The following DNAH11 variants were observed in gnomAD, a reference collection of about 807,000 sequenced individuals.
The protein encoded by DNAH11 is dynein axonemal heavy chain 11.
DNAH11 carries 442 observed loss-of-function variants against 526.0 expected under a neutral mutation model. The observed-to-expected ratio is 0.84, with a 90% CI of 0.78 to 0.91. DNAH11 has a LOEUF of 0.91. Among genes scored for constraint, DNAH11 ranks in the 40% least tolerant of loss-of-function variants. The pLI is 0.00. For synonymous variants in DNAH11, 2,461 were observed against 1,935.9 expected, an observed-to-expected ratio of 1.27 and a Z score of -7.12; for missense variants, 6,989 against 5,448.7, an observed-to-expected ratio of 1.28 and a Z score of -8.90.
At chr7:21,768,007 A>G (rs1056999702) in intron 55 of DNAH11, among the ~76,000 whole-genome samples, 4 of 152,094 alleles carry the variant, frequency 2.6e-5, no homozygotes, top group Non-Finnish European at 5.9e-5. Flanking sequence ...ATCAGTACAC[A>G]CTCAGCACCC....
chr7:21,631,710 C>T (rs547357068), intron 25 of DNAH11, among the ~76,000 whole-genome samples: 4 of 152,308 alleles, frequency 2.6e-5, no homozygotes, highest in East Asian at 1.9e-4. Context: ...TGGGCAGCTC[C>T]GCCTCTGTGG....
chr7:21,543,417 C>T lies in DNAH11; in HGVS notation c.172C>T (p.Arg58Trp), dbSNP rs1225537822. 2.6e-6 allele frequency: 4 copies of T among 1,554,952 alleles called. No individual in the cohort carries two copies. The highest frequency in any genetic ancestry group is 3.5e-6 in the Non-Finnish European group (4 of 1,148,594). The change falls in exon 1 of 82, where the codon CGG becomes TGG. Residue 58 changes from arginine (R) to tryptophan (W), a missense_variant. Physicochemically the swap from Arg to Trp is moderately radical, Grantham distance 101. Coordinates refer to ENST00000409508, the MANE Select transcript of DNAH11 (RefSeq NM_001277115.2). ...AGCGCGGAGTTTCGCCCAAGACGCGCGGGTGCGCTTCCTCGGCGGCCGCCT... is the reference window on the plus strand; with the variant it reads ...AGCGCGGAGTTTCGCCCAAGACGCGTGGGTGCGCTTCCTCGGCGGCCGCCT... ...RRARSFAQDA[R>W]VRFLGGRLAM...
intron 79 of DNAH11, among the ~76,000 whole-genome samples, chr7:21,897,718 C>T (rs945549947): frequency 6.6e-6 from 1 of 152,128 alleles, no homozygotes; most frequent in East Asian, 1.9e-4. Context: ...TGGGTTCAAC[C>T]GATTCTCCTG....
chr7:21,632,405 A>C (rs574800300), intron 25 of DNAH11, among the ~76,000 whole-genome samples: 1 of 152,146 alleles, frequency 6.6e-6, no homozygotes, highest in Admixed American at 6.5e-5. Context: ...TTTCTTTCCT[A>C]TCACATTGTC....
chr7:21,744,488 A>T lies in DNAH11; in HGVS notation c.8205A>T (p.Ile2735=), dbSNP rs1388427743. The T allele has an allele frequency of 6.2e-7, 1 of 1,613,940 alleles. No individual in the cohort carries two copies. The highest frequency in any genetic ancestry group is 8.5e-7 in the Non-Finnish European group (1 of 1,179,848). Residue 2735 remains isoleucine, a synonymous_variant, in exon 50 of 82, where the codon ATA becomes ATT. Transcript: ENST00000409508. ...GTTTAAAAGGTCCACTTGATTTAAT[A>T]CATCTGTGGCTTCATGAATCTGCCC... ...PECLKGPLDL[I]HLWLHESARV...
rs10950855 is a variant in DNAH11 at position 21,563,916 on chromosome 7, T to C, written c.983-270T>C. Among the ~76,000 whole-genome samples, 18,942 of 152,098 alleles carry C rather than the reference T, an allele frequency of 0.12. 1,996 individuals carry two copies. The highest frequency in any genetic ancestry group is 0.33 in the East Asian group (1,671 of 5,140). On this transcript the variant is annotated intron_variant, in intron 5 of 81. Transcript: ENST00000409508. ...TAAATTTCTTTAGACTCCAGGGGTA[T>C]TTTCCCCTTGGGTTTTCCATCACAA... is the stretch of plus-strand genomic sequence containing the variant.
intron 35 of DNAH11, among the ~76,000 whole-genome samples, chr7:21,692,834 T>C (rs938341546): frequency 3.9e-5 from 6 of 152,220 alleles, no homozygotes; most frequent in Admixed American, 3.9e-4. Flanking sequence ...CAAAAATTGA[T>C]ACTGTCAGCC....
chr7:21,775,461 T>C (rs1485354539), intron 56 of DNAH11, among the ~76,000 whole-genome samples: 1 of 151,880 alleles, frequency 6.6e-6, no homozygotes, highest in Non-Finnish European at 1.5e-5. Flanking sequence ...TACAAAAGAA[T>C]TTTTTAATGA....
At chr7:21,739,851 G>T (rs1785796507) in intron 48 of DNAH11, among the ~76,000 whole-genome samples, 178 bp downstream of exon 48, 1 of 152,106 alleles carries the variant, frequency 6.6e-6, no homozygotes, top group East Asian at 1.9e-4. Flanking sequence ...TTAATTGGTA[G>T]ACTTTATTTT....
intron 62 of DNAH11, among the ~76,000 whole-genome samples, chr7:21,803,161 C>G (rs1406029158): frequency 6.6e-6 from 1 of 152,054 alleles, no homozygotes; most frequent in African/African-American, 2.4e-5. Flanking sequence ...CTTTAGCTGA[C>G]AAGCATAGAA....
intron 28 of DNAH11, among the ~76,000 whole-genome samples, chr7:21,651,126 G>C (rs1781743485): frequency 6.6e-6 from 1 of 152,086 alleles, no homozygotes; most frequent in African/African-American, 2.4e-5. Flanking sequence ...ATATTATTAT[G>C]AATATTGTCA....
At chr7:21,621,151 C>T (rs1724526313) in intron 25 of DNAH11, among the ~76,000 whole-genome samples, 1 of 152,110 alleles carries the variant, frequency 6.6e-6, no homozygotes, top group African/African-American at 2.4e-5. Context: ...CTGACTTCCA[C>T]AAGAGTTGAA....
rs1784785239 is a variant in DNAH11 at position 21,719,272 on chromosome 7, AGTG to A, written c.7134+1348_7134+1350del. Among the ~76,000 whole-genome samples the A allele has an allele frequency of 2.0e-5, 3 of 152,374 alleles. No individual in the cohort carries two copies. In the South Asian group the frequency reaches 6.2e-4, roughly 32 times the overall value. On this transcript the variant is annotated intron_variant, in intron 43 of 81. Coordinates refer to ENST00000409508, the MANE Select transcript of DNAH11 (RefSeq NM_001277115.2). Reference sequence around the variant, plus strand: ...GAGACAAAAATGGGTATAAGAAGATAGTGACCTGAAATGGCTATCTTGAGAAAT... The same window carrying A: ...GAGACAAAAATGGGTATAAGAAGATAACCTGAAATGGCTATCTTGAGAAAT...
intron 8 of DNAH11, among the ~76,000 whole-genome samples, chr7:21,573,489 T>C (rs2128437864): frequency 6.6e-6 from 1 of 152,322 alleles, no homozygotes; most frequent in East Asian, 1.9e-4. Flanking sequence ...CATACTTATG[T>C]TGAAAATGAC....
At position 21,729,357 on chromosome 7, in the gene DNAH11, C is replaced by T. The variant is rs559081317; in HGVS notation, c.7440+3373C>T. Among the ~76,000 whole-genome samples, 27 of 152,252 alleles carry T rather than the reference C, an allele frequency of 1.8e-4. No individual in the cohort carries two copies. In the South Asian group the frequency reaches 4.6e-3, roughly 26 times the overall value. ...AGCTGATTTTGTCTAAGAATTACACCCCTAATTTCTTTATGGAGTCGTTGT... is the reference window on the plus strand; with the variant it reads ...AGCTGATTTTGTCTAAGAATTACACTCCTAATTTCTTTATGGAGTCGTTGT... On this transcript the variant is annotated intron_variant, in intron 45 of 81. Coordinates refer to ENST00000409508, the MANE Select transcript of DNAH11 (RefSeq NM_001277115.2).
intron 66 of DNAH11, chr7:21,851,774 G>T: frequency 2.4e-6 from 1 of 422,140 alleles, no homozygotes; most frequent in Non-Finnish European, 4.9e-6. Flanking sequence ...ATGGCAATTT[G>T]TCCTGTGACC....
chr7:21,873,829 C>T (rs1295818535), intron 74 of DNAH11, among the ~76,000 whole-genome samples: 4 of 109,720 alleles, frequency 3.6e-5, no homozygotes, highest in Admixed American at 1.3e-4. Context: ...CTCACTTTGC[C>T]GCCCAGGCTG....
chr7:21,543,199 T>C lies in DNAH11; in HGVS notation c.-47T>C. 6.1e-6 allele frequency: 9 copies of C among 1,469,168 alleles called. No individual in the cohort carries two copies. Among genetic ancestry groups the C allele is most frequent in the Non-Finnish European group, 8.1e-6 (9 of 1,116,080 alleles). 91.0% of individuals were successfully genotyped at this position (1,469,168 alleles called of 1,614,324 possible). A position where few individuals can be genotyped will look rare whatever the true frequency, so the allele number is the denominator to read the frequency against. On this transcript the variant is annotated 5_prime_UTR_variant, in exon 1 of 82. Transcript: ENST00000409508. ...CGCTCACTTCGGGGGGCCCAGAGTC[T>C]CGGGTGAGGAGCCAGCCGGCCTCGC...
chr7:21,850,560 T>C lies in DNAH11; in HGVS notation c.10897-1907T>C, dbSNP rs117036009. On this transcript the variant is annotated intron_variant, in intron 66 of 81. Coordinates refer to ENST00000409508, the MANE Select transcript of DNAH11 (RefSeq NM_001277115.2). ...AACTCCCAGTTTGATAATTCCAAAA[T>C]TTCTGCCACATCTGAGTCTTGTCCT... 3.3e-4 allele frequency among the ~76,000 whole-genome samples: 50 copies of C among 150,570 alleles called. 1 individual carries two copies. In the East Asian group the frequency reaches 9.9e-3, roughly 30 times the overall value.
Sources: allele counts gnomAD v4.1 joint callset (sites outside exome capture counted in the v4.1 genomes callset), GRCh38; gene constraint gnomAD v4.1.1; transcripts MANE v1.5; gene names NCBI Gene and HGNC (gene_info 2026-07-23, HGNC 2026-07-21).